The following CNTNAP5 variants were observed in gnomAD, a reference collection of about 807,000 sequenced individuals.
CNTNAP5 encodes contactin-associated protein-like 5.
CNTNAP5 carries 72 observed loss-of-function variants against 150.2 expected under a neutral mutation model. That is an observed-to-expected ratio of 0.48 (90% CI 0.40 to 0.58). CNTNAP5 has a LOEUF of 0.58. Ranked by LOEUF, CNTNAP5 falls within the 20% of genes least tolerant of loss-of-function variation. The probability of loss-of-function intolerance (pLI) is 0.00; values close to 1 mark genes in which losing one functional copy is unlikely to be tolerated. For missense variants in CNTNAP5, 1,636 were observed against 1,626.2 expected (o/e 1.01, Z -0.10); for synonymous variants, 672 against 619.8 (o/e 1.08, Z -1.25).
chr2:124,848,877 A>G (rs1401592341), intron 19 of CNTNAP5, among the ~76,000 whole-genome samples: 1 of 152,094 alleles, frequency 6.6e-6, no homozygotes, highest in Non-Finnish European at 1.5e-5. Flanking sequence ...TTCTTTATAT[A>G]TTTTGGATAT....
chr2:124,823,836 G>A (rs1222203023), intron 19 of CNTNAP5, among the ~76,000 whole-genome samples: 1 of 152,102 alleles, frequency 6.6e-6, no homozygotes. Flanking sequence ...GGTGCATGGT[G>A]ATGAGTTGCT....
chr2:124,615,599 A>T (rs1281127650), intron 12 of CNTNAP5, among the ~76,000 whole-genome samples: 1 of 152,184 alleles, frequency 6.6e-6, no homozygotes, highest in Non-Finnish European at 1.5e-5. Context: ...AAAATCATCC[A>T]TGAGGACTGG....
chr2:124,426,880 G>T (rs201846354), intron 4 of CNTNAP5, among the ~76,000 whole-genome samples: 3 of 152,172 alleles, frequency 2.0e-5, no homozygotes, highest in African/African-American at 7.2e-5. Flanking sequence ...CAGGATGGGG[G>T]AGCGCATGCT....
At chr2:124,571,616 T>G (rs980125218) in intron 11 of CNTNAP5, among the ~76,000 whole-genome samples, 12 of 132,506 alleles carry the variant, frequency 9.1e-5, no homozygotes, top group Non-Finnish European at 1.9e-4. Context: ...CACTGCAACC[T>G]CCGCTTCCCA....
intron 17 of CNTNAP5, 100 bp from the exon 18 acceptor site, chr2:124,789,802 C>A: frequency 9.3e-7 from 1 of 1,080,840 alleles, no homozygotes; most frequent in Non-Finnish European, 1.3e-6. Context: ...ACCTTCATGA[C>A]AACAGAGAAC....
chr2:124,216,118 T>A (rs1686148939), intron 1 of CNTNAP5, among the ~76,000 whole-genome samples: 1 of 152,122 alleles, frequency 6.6e-6, no homozygotes, highest in Non-Finnish European at 1.5e-5. Context: ...TAAAGCAAAG[T>A]TACGCAAACA....
Position 124,264,382 on chromosome 2 carries a change from A to AGACT in CNTNAP5, c.381+21989_381+21990insGACT, listed in dbSNP as rs757294157. 7.2e-4 allele frequency among the ~76,000 whole-genome samples: 36 copies of AGACT among 50,214 alleles called. 1 individual carries two copies. Among genetic ancestry groups the AGACT allele is most frequent in the African/African-American group, 1.7e-3 (35 of 20,980 alleles). 32.9% of individuals were successfully genotyped at this position (50,214 alleles called of 152,430 possible). On this transcript the variant is annotated intron_variant, in intron 3 of 23. Coordinates refer to ENST00000682447, the MANE Select transcript of CNTNAP5 (RefSeq NM_001367498.1). The stretch of plus-strand genomic sequence containing the variant: ...TTCCCCCACACACACAGGCACACAC[A>AGACT]CACACATACACACACACACACACAC...
At chr2:124,028,458 G>A (rs996966313) in intron 1 of CNTNAP5, among the ~76,000 whole-genome samples, 2 of 152,102 alleles carry the variant, frequency 1.3e-5, no homozygotes, top group African/African-American at 4.8e-5. Flanking sequence ...AGTCAGGTTA[G>A]AAGGGCCAGC....
chr2:124,414,514 A>G (rs1691867578), intron 3 of CNTNAP5, among the ~76,000 whole-genome samples: 1 of 152,116 alleles, frequency 6.6e-6, no homozygotes, highest in Admixed American at 6.6e-5. Context: ...TGGCTCTGGG[A>G]TAGTAGGACT....
At chr2:124,705,870 C>A (rs1679626318) in intron 13 of CNTNAP5, among the ~76,000 whole-genome samples, 1 of 152,016 alleles carries the variant, frequency 6.6e-6, no homozygotes, top group South Asian at 2.1e-4. Context: ...TTCAGGTTAA[C>A]CCTTGGTTCA....
intron 21 of CNTNAP5, among the ~76,000 whole-genome samples, chr2:124,898,857 C>T (rs576281672): frequency 1.3e-5 from 2 of 151,586 alleles, no homozygotes; most frequent in Non-Finnish European, 2.9e-5. Context: ...CCACTCCCCC[C>T]GGCCTCCTCC....
At chr2:124,647,130 C>T (rs924535911) in intron 12 of CNTNAP5, among the ~76,000 whole-genome samples, 1 of 147,744 alleles carries the variant, frequency 6.8e-6, no homozygotes, top group African/African-American at 2.5e-5. Flanking sequence ...AAAATATGTC[C>T]TTCCGTCATG....
chr2:124,541,352 AAGGGTC>A lies in CNTNAP5; in HGVS notation c.1649+13900_1649+13905del, dbSNP rs144049568. On this transcript the variant is annotated intron_variant, in intron 10 of 23. Coordinates refer to ENST00000682447, the MANE Select transcript of CNTNAP5 (RefSeq NM_001367498.1). ...ATCCCTTCCCTGGCTGCCATGGTTAAAGGGTCAGGCTTCTAGTAATTCAATTCTAAT... is the reference window on the plus strand; with the variant it reads ...ATCCCTTCCCTGGCTGCCATGGTTAAAGGCTTCTAGTAATTCAATTCTAAT... 2.4e-3 allele frequency among the ~76,000 whole-genome samples: 361 copies of A among 151,758 alleles called. 2 individuals carry two copies. The highest frequency in any genetic ancestry group is 7.6e-3 in the African/African-American group (313 of 41,406).
intron 16 of CNTNAP5, among the ~76,000 whole-genome samples, chr2:124,769,969 A>T (rs1681155170): frequency 6.6e-6 from 1 of 152,152 alleles, no homozygotes; most frequent in Non-Finnish European, 1.5e-5. Context: ...GTACTCAATA[A>T]ATATTAACTA....
chr2:124,739,916 C>T (rs78577853), intron 13 of CNTNAP5, among the ~76,000 whole-genome samples: 4 of 151,810 alleles, frequency 2.6e-5, no homozygotes, highest in South Asian at 2.1e-4. Flanking sequence ...TAGCTGTGTG[C>T]GGGACCTCCT....
At chr2:124,899,239 T>C in intron 21 of CNTNAP5, among the ~76,000 whole-genome samples, 2 of 151,728 alleles carry the variant, frequency 1.3e-5, no homozygotes, top group East Asian at 3.9e-4. Context: ...ATTGTATTTA[T>C]TTCTGACATA....
intron 3 of CNTNAP5, among the ~76,000 whole-genome samples, chr2:124,394,722 T>G (rs868215422): frequency 7.5e-4 from 115 of 152,320 alleles, no homozygotes; most frequent in African/African-American, 2.5e-3. Flanking sequence ...AACTAAGGCT[T>G]AGAGGTAGAG....
At chr2:124,757,879 G>A (rs1680873894) in intron 14 of CNTNAP5, among the ~76,000 whole-genome samples, 1 of 152,176 alleles carries the variant, frequency 6.6e-6, no homozygotes, top group Admixed American at 6.5e-5. Flanking sequence ...AGGCAACAGT[G>A]ATTTAAAATA....
At chr2:124,102,539 G>A (rs1243199351) in intron 1 of CNTNAP5, among the ~76,000 whole-genome samples, 1 of 152,140 alleles carries the variant, frequency 6.6e-6, no homozygotes, top group Non-Finnish European at 1.5e-5. Context: ...GTAGAGAAAT[G>A]ATAACACCAA....
Sources: allele counts gnomAD v4.1 joint callset (sites outside exome capture counted in the v4.1 genomes callset), GRCh38; gene constraint gnomAD v4.1.1; transcripts MANE v1.5; gene names NCBI Gene and HGNC (gene_info 2026-07-23, HGNC 2026-07-21).